The following PHLDB2 variants were observed in gnomAD, a reference collection of about 807,000 sequenced individuals.
The protein encoded by PHLDB2 is pleckstrin homology like domain family B member 2.
In PHLDB2, 71 loss-of-function variants were observed where a neutral mutation model predicts 123.6. The ratio of observed to expected loss-of-function variants is 0.57; its 90% CI spans 0.47 to 0.70. PHLDB2 has a LOEUF of 0.70. Ranked by LOEUF, PHLDB2 falls within the 30% of genes least tolerant of loss-of-function variation. The pLI is 0.00. For synonymous variants in PHLDB2, 547 were observed against 541.6 expected, an observed-to-expected ratio of 1.01 and a Z score of -0.14; for missense variants, 1,446 against 1,519.5, an observed-to-expected ratio of 0.95 and a Z score of 0.80.
intron 1 of PHLDB2, among the ~76,000 whole-genome samples, chr3:111,805,969 A>G (rs563910906): frequency 3.9e-5 from 6 of 152,026 alleles, no homozygotes; most frequent in Admixed American, 3.3e-4. Flanking sequence ...AGAAAAGGCA[A>G]AACAATAGAG....
At chr3:111,880,989 G>A (rs887624352) in intron 1 of PHLDB2, among the ~76,000 whole-genome samples, 1 of 152,042 alleles carries the variant, frequency 6.6e-6, no homozygotes, top group Non-Finnish European at 1.5e-5. Context: ...TTTGCTTTAA[G>A]TTGTCATGTA....
At chr3:111,857,460 A>AAG (rs1553741299), upstream of PHLDB2, among the ~76,000 whole-genome samples, 1 of 81,042 alleles carries the variant, frequency 1.2e-5, no homozygotes, top group Non-Finnish European at 2.7e-5. Flanking sequence ...CAAAAAAAAA[A>AAG]AAAAGAAAAG....
intron 16 of PHLDB2, among the ~76,000 whole-genome samples, 172 bp downstream of exon 16, chr3:111,970,081 A>T (rs1232208591): frequency 6.6e-6 from 1 of 152,178 alleles, no homozygotes; most frequent in East Asian, 1.9e-4. Flanking sequence ...AGTCCATATG[A>T]TATGAATTTC....
At chr3:111,787,247 C>T (rs1433606000) in intron 1 of PHLDB2, among the ~76,000 whole-genome samples, 1 of 152,158 alleles carries the variant, frequency 6.6e-6, no homozygotes, top group African/African-American at 2.4e-5. Context: ...TATCCTCATG[C>T]TTTTGCGTTA....
chr3:111,854,174 C>T (rs1939192288), intron 2 of PHLDB2, among the ~76,000 whole-genome samples: 2 of 152,248 alleles, frequency 1.3e-5, no homozygotes, highest in South Asian at 4.2e-4. Flanking sequence ...CTTACAAAAC[C>T]ATCAGATCTC....
chr3:111,950,984 CCTG>C (rs1452925097), intron 10 of PHLDB2, among the ~76,000 whole-genome samples: 6 of 152,222 alleles, frequency 3.9e-5, no homozygotes, highest in Non-Finnish European at 8.8e-5. Flanking sequence ...AGTTTACAAA[CCTG>C]CTGTTTTCTG....
intron 1 of PHLDB2, among the ~76,000 whole-genome samples, chr3:111,755,105 A>C (rs2059860252): frequency 1.3e-5 from 2 of 151,242 alleles, no homozygotes; most frequent in South Asian, 4.2e-4. Flanking sequence ...TATTGGTCTA[A>C]AATTCTCTTT....
chr3:111,845,555 C>T (rs2063938732), intron 1 of PHLDB2, among the ~76,000 whole-genome samples: 1 of 152,010 alleles, frequency 6.6e-6, no homozygotes, highest in South Asian at 2.1e-4. Flanking sequence ...TTGTCCATTA[C>T]TTGTTTGCCA....
At chr3:111,784,409 A>G (rs1168897463) in intron 1 of PHLDB2, among the ~76,000 whole-genome samples, 1 of 152,186 alleles carries the variant, frequency 6.6e-6, no homozygotes, top group East Asian at 1.9e-4. Context: ...ACAAAATACC[A>G]GAAGTGTCAT....
At chr3:111,794,171 G>A (rs4293677) in intron 1 of PHLDB2, among the ~76,000 whole-genome samples, 151,258 of 152,068 alleles carry the variant, frequency 0.99, 75,232 homozygotes, top group Middle Eastern at 1. Context: ...CCAGAACCCA[G>A]TCGCTGGGAT....
At chr3:111,938,050 TGA>T (rs1360721511) in intron 6 of PHLDB2, among the ~76,000 whole-genome samples, 13 of 152,334 alleles carry the variant, frequency 8.5e-5, no homozygotes, top group Non-Finnish European at 1.6e-4. Context: ...AAGATTATTC[TGA>T]GAGTGGTGGT....
At chr3:111,767,653 G>T (rs1372822522) in intron 1 of PHLDB2, among the ~76,000 whole-genome samples, 1 of 152,124 alleles carries the variant, frequency 6.6e-6, no homozygotes, top group Non-Finnish European at 1.5e-5. Flanking sequence ...ACTTAAAACT[G>T]TACCTGGCAT....
At chr3:111,785,708 A>T (rs376289899) in intron 1 of PHLDB2, among the ~76,000 whole-genome samples, 2 of 152,116 alleles carry the variant, frequency 1.3e-5, no homozygotes, top group African/African-American at 4.8e-5. Flanking sequence ...CTTTAACAAA[A>T]TCTAGGACAC....
At chr3:111,922,457 A>T (rs1439416078) in intron 5 of PHLDB2, among the ~76,000 whole-genome samples, 1 of 152,200 alleles carries the variant, frequency 6.6e-6, no homozygotes, top group Non-Finnish European at 1.5e-5. Flanking sequence ...GGCTTGACAG[A>T]GGCTATGCAC....
intron 1 of PHLDB2, among the ~76,000 whole-genome samples, chr3:111,827,099 T>A (rs1330161279): frequency 6.6e-6 from 1 of 152,256 alleles, no homozygotes; most frequent in African/African-American, 2.4e-5. Context: ...CACTTCCTTA[T>A]AATTTCTCAC....
intron 1 of PHLDB2, among the ~76,000 whole-genome samples, chr3:111,824,993 G>A (rs1419561899): frequency 6.6e-6 from 1 of 152,044 alleles, no homozygotes; most frequent in African/African-American, 2.4e-5. Flanking sequence ...GGCCTCATCT[G>A]CTCACGTAAA....
intron 1 of PHLDB2, among the ~76,000 whole-genome samples, chr3:111,761,337 A>T (rs1372243018): frequency 6.6e-6 from 1 of 152,188 alleles, no homozygotes; most frequent in Non-Finnish European, 1.5e-5. Flanking sequence ...ATGGGAAATG[A>T]GCAAGTGGTT....
chr3:111,745,895 G>C (rs1474571701), intron 1 of PHLDB2, among the ~76,000 whole-genome samples: 1 of 152,154 alleles, frequency 6.6e-6, no homozygotes, highest in South Asian at 2.1e-4. Context: ...CACACAGCCA[G>C]TGTAGCTCTG....
rs778545733 is a variant in PHLDB2, at chr3:111,939,654, A to G, written c.2286+24A>G. ...AGGTACTTTTTCCAGGTGTCATTCAATGTGAAAAATCAAAATATATTTCTG... is the reference window on the plus strand; with the variant it reads ...AGGTACTTTTTCCAGGTGTCATTCAGTGTGAAAAATCAAAATATATTTCTG... On this transcript the variant is annotated intron_variant, in intron 7 of 17. Transcript: ENST00000431670. 4 of 1,593,170 alleles carry G rather than the reference A, an allele frequency of 2.5e-6. No individual in the cohort carries two copies. In the South Asian group the frequency reaches 3.4e-5, roughly 14 times the overall value.
Sources: gnomAD v4.1 joint callset for allele counts (sites outside exome capture counted in the v4.1 genomes callset) on GRCh38, gnomAD v4.1.1 for gene constraint, MANE v1.5 for transcripts, NCBI Gene and HGNC (gene_info 2026-07-23, HGNC 2026-07-21) for gene names.